Variants in DMD observed in about 807,000 individuals in gnomAD.
DMD encodes mutant dystrophin.
Under a neutral mutation model 330.1 loss-of-function variants are expected in DMD, and 63 were observed. That is an observed-to-expected ratio of 0.19 (90% confidence interval 0.16 to 0.24). DMD has a LOEUF of 0.24. DMD is among the 10% of genes least tolerant of loss of function. The pLI is 1.00. For missense variants in DMD, 3,344 were observed against 2,684.1 expected (o/e 1.25, Z -5.43); for synonymous variants, 1,223 against 959.8 (o/e 1.27, Z -5.07).
chrX:32,861,288 CAAAGT>C (rs1015238732), intron 2 of DMD, among the ~76,000 whole-genome samples: 1 of 111,866 alleles, frequency 8.9e-6, no homozygotes, highest in African/African-American at 3.3e-5. Context: ...ATGTTGGCCT[CAAAGT>C]AACAGAAGGG....
intron 16 of DMD, among the ~76,000 whole-genome samples, chrX:32,557,414 A>C (rs781696676): frequency 8.0e-5 from 9 of 112,157 alleles, no homozygotes; most frequent in Non-Finnish European, 1.3e-4. Flanking sequence ...TTGGCTCTTG[A>C]CATGCTATAT....
chrX:31,505,561 T>G (rs894044426), intron 56 of DMD, among the ~76,000 whole-genome samples: 5 of 111,860 alleles, frequency 4.5e-5, no homozygotes, highest in Non-Finnish European at 9.4e-5. Context: ...TCTTTCTTTA[T>G]ATGCTACGGT....
chrX:32,292,295 G>A (rs1220082145), intron 42 of DMD, among the ~76,000 whole-genome samples: 1 of 57,018 alleles, frequency 1.8e-5, no homozygotes, highest in Non-Finnish European at 2.9e-5. Context: ...TCAACAAAGG[G>A]AATATTCTTT....
intron 53 of DMD, among the ~76,000 whole-genome samples, chrX:31,661,744 T>A (rs1212636431): frequency 9.0e-6 from 1 of 111,390 alleles, no homozygotes; most frequent in African/African-American, 3.3e-5. Flanking sequence ...TGTGTGTGTA[T>A]GTGTGTGTGT....
chrX:33,005,666 G>A (rs2093380935), intron 2 of DMD, among the ~76,000 whole-genome samples: 1 of 110,347 alleles, frequency 9.1e-6, no homozygotes, highest in Non-Finnish European at 1.9e-5. Context: ...CTATTTAGTG[G>A]TGAGAAAATG....
intron 54 of DMD, among the ~76,000 whole-genome samples, chrX:31,637,782 T>C (rs1031622367): frequency 1.8e-5 from 2 of 111,846 alleles, no homozygotes; most frequent in Non-Finnish European, 3.8e-5. Flanking sequence ...GACATTGCTT[T>C]CACATAAATT....
intron 77 of DMD, among the ~76,000 whole-genome samples, chrX:31,128,275 A>G (rs908932001): frequency 9.0e-6 from 1 of 111,326 alleles, no homozygotes; most frequent in Non-Finnish European, 1.9e-5. Flanking sequence ...TTGCTCATCC[A>G]CCTCTCTATG....
At chrX:31,539,829 G>C (rs1481317044) in intron 55 of DMD, among the ~76,000 whole-genome samples, 1 of 112,167 alleles carries the variant, frequency 8.9e-6, no homozygotes, top group Admixed American at 9.5e-5. Flanking sequence ...CATGGTGCTA[G>C]ATACTGAGAA....
chrX:32,760,664 T>A (rs371575623), intron 7 of DMD, among the ~76,000 whole-genome samples: 202 of 112,069 alleles, frequency 1.8e-3, no homozygotes, highest in Non-Finnish European at 2.7e-3. Flanking sequence ...CAGAGTGATA[T>A]AATGTTAAAC....
intron 62 of DMD, among the ~76,000 whole-genome samples, chrX:31,295,391 C>T (rs1286902851): frequency 5.5e-5 from 6 of 110,005 alleles, no homozygotes; most frequent in Admixed American, 9.7e-5. Flanking sequence ...CCATACGATT[C>T]GCCCATTTAA....
In DMD at chrX:32,697,936, G is replaced by A. The variant is rs763011155; in HGVS notation, c.894C>T (p.Ser298=). 7 of 1,205,645 alleles carry A rather than the reference G, an allele frequency of 5.8e-6. No homozygotes were observed. The East Asian group carries it at 2.1e-4, about 36-fold the overall frequency. Residue 298 remains serine, a synonymous_variant, in exon 9 of 79, where the codon AGC becomes AGT. Transcript: ENST00000357033. ...RTSSPKPRFK[S]YAYTQAAYVT... ...CATAAGCAGCCTGTGTGTAGGCATAGCTCTTGAATCGAGGCTTAGGGGAAG... is the reference window on the plus strand; with the variant it reads ...CATAAGCAGCCTGTGTGTAGGCATAACTCTTGAATCGAGGCTTAGGGGAAG...
chrX:32,347,292 C>A (rs1018295071), intron 38 of DMD, among the ~76,000 whole-genome samples: 4 of 111,615 alleles, frequency 3.6e-5, no homozygotes, highest in South Asian at 3.7e-4. Flanking sequence ...AGGACAAAAA[C>A]AACAAAAAAT....
intron 55 of DMD, among the ~76,000 whole-genome samples, chrX:31,552,238 C>A (rs1327805152): frequency 8.9e-6 from 1 of 111,941 alleles, no homozygotes; most frequent in African/African-American, 3.2e-5. Flanking sequence ...AGTGGTGAGA[C>A]CACGGCTCAC....
chrX:31,761,165 G>A (rs919346405), intron 51 of DMD, among the ~76,000 whole-genome samples: 1 of 110,734 alleles, frequency 9.0e-6, no homozygotes. Flanking sequence ...GATTACAGGC[G>A]TGAGCCACCG....
At chrX:32,529,891 CA>C (rs2047318175) in intron 17 of DMD, among the ~76,000 whole-genome samples, 1 of 111,564 alleles carries the variant, frequency 9.0e-6, no homozygotes, top group Non-Finnish European at 1.9e-5. Context: ...ACATTCCTAT[CA>C]AAAATCTATT....
chrX:32,450,737 G>A (rs1569563036), intron 26 of DMD, among the ~76,000 whole-genome samples: 1 of 110,740 alleles, frequency 9.0e-6, no homozygotes. Flanking sequence ...TGAAGAAGGA[G>A]CATGCTGTAG....
At chrX:32,725,916 T>G (rs183581962) in intron 7 of DMD, among the ~76,000 whole-genome samples, 1 of 111,207 alleles carries the variant, frequency 9.0e-6, no homozygotes, top group Admixed American at 9.6e-5. Flanking sequence ...ACTGCATGCC[T>G]TTATCAAAGT....
chrX:31,969,250 T>C (rs1379494921), intron 44 of DMD, among the ~76,000 whole-genome samples: 2 of 111,565 alleles, frequency 1.8e-5, no homozygotes, highest in Non-Finnish European at 3.8e-5. Context: ...AATAGCTCAA[T>C]TGAAAAGGAG....
At chrX:33,235,637 G>C (rs948889820) in intron 1 of DMD, among the ~76,000 whole-genome samples, 4 of 110,599 alleles carry the variant, frequency 3.6e-5, no homozygotes, top group Admixed American at 2.9e-4. Flanking sequence ...ACATTTTATA[G>C]ATGTCACAAT....
Sources: gnomAD v4.1 joint callset for allele counts (sites outside exome capture counted in the v4.1 genomes callset) on GRCh38, gnomAD v4.1.1 for gene constraint, MANE v1.5 for transcripts, NCBI Gene and HGNC (gene_info 2026-07-23, HGNC 2026-07-21) for gene names.